Variants in KCNB2 observed in about 807,000 individuals in gnomAD.
KCNB2 encodes the protein potassium voltage-gated channel subfamily B member 2, also known as delayed rectifier potassium channel protein.
In KCNB2, 15 loss-of-function variants were observed where a neutral mutation model predicts 61.5. The observed-to-expected ratio is 0.24, with a 90% CI of 0.16 to 0.38. The LOEUF (loss-of-function observed/expected upper bound fraction) is 0.38. Among genes scored for constraint, KCNB2 ranks in the 10% least tolerant of loss-of-function variants. The probability of loss-of-function intolerance (pLI) is 1.00; values close to 1 mark genes in which losing one functional copy is unlikely to be tolerated. For synonymous variants in KCNB2, 457 were observed against 446.0 expected (o/e 1.02, Z -0.31); for missense variants, 828 against 1,125.2 (o/e 0.74, Z 3.78).
intron 2 of KCNB2, among the ~76,000 whole-genome samples, chr8:72,583,306 C>T (rs965309495): frequency 6.6e-6 from 1 of 152,210 alleles, no homozygotes. Flanking sequence ...TTATTTTGTG[C>T]ATTAGAAATC....
At chr8:72,934,943 ACCTGTCCTTGG>A (rs1806870388) in intron 2 of KCNB2, among the ~76,000 whole-genome samples, 1 of 151,950 alleles carries the variant, frequency 6.6e-6, no homozygotes, top group Non-Finnish European at 1.5e-5. Flanking sequence ...TATTCCACAT[ACCTGTCCTTGG>A]CCTTTGTCCT....
chr8:72,613,309 G>A (rs1805568487), intron 2 of KCNB2, among the ~76,000 whole-genome samples: 1 of 152,080 alleles, frequency 6.6e-6, no homozygotes, highest in Non-Finnish European at 1.5e-5. Flanking sequence ...ATCACATCTG[G>A]CCTCTGCAAG....
intron 2 of KCNB2, among the ~76,000 whole-genome samples, chr8:72,612,515 A>G (rs1374652503): frequency 6.6e-6 from 1 of 152,146 alleles, no homozygotes; most frequent in Non-Finnish European, 1.5e-5. Context: ...TAAGTTTTCC[A>G]TCTCTTTAAG....
At chr8:72,578,118 T>A (rs1341199330) in intron 2 of KCNB2, among the ~76,000 whole-genome samples, 1 of 152,138 alleles carries the variant, frequency 6.6e-6, no homozygotes, top group Admixed American at 6.6e-5. Flanking sequence ...AATAAATCAA[T>A]GACACTCTGA....
intron 2 of KCNB2, among the ~76,000 whole-genome samples, chr8:72,867,384 C>T (rs576315187): frequency 2.6e-5 from 4 of 152,190 alleles, no homozygotes; most frequent in Non-Finnish European, 2.9e-5. Flanking sequence ...AGTGGTGGCT[C>T]ACGCCTATAA....
chr8:72,857,327 A>G (rs1200215555), intron 2 of KCNB2, among the ~76,000 whole-genome samples: 1 of 152,218 alleles, frequency 6.6e-6, no homozygotes, highest in African/African-American at 2.4e-5. Context: ...TTGAATGGAA[A>G]GGGGCAGAGC....
At chr8:72,831,097 T>C (rs6984868) in intron 2 of KCNB2, among the ~76,000 whole-genome samples, 1 of 152,186 alleles carries the variant, frequency 6.6e-6, no homozygotes, top group East Asian at 1.9e-4. Context: ...CAGATTGGCC[T>C]TGCGCCTCAT....
intron 2 of KCNB2, among the ~76,000 whole-genome samples, chr8:72,895,045 G>C (rs374562094): frequency 6.6e-6 from 1 of 152,204 alleles, no homozygotes; most frequent in African/African-American, 2.4e-5. Flanking sequence ...TGGGAAAATG[G>C]ATCAACAGTC....
intron 2 of KCNB2, among the ~76,000 whole-genome samples, chr8:72,616,423 T>C (rs1201859622): frequency 6.6e-6 from 1 of 152,176 alleles, no homozygotes; most frequent in African/African-American, 2.4e-5. Flanking sequence ...CCAATGTTTA[T>C]GAAACTTTTA....
chr8:72,709,745 G>A (rs961379262), intron 2 of KCNB2, among the ~76,000 whole-genome samples: 1 of 152,040 alleles, frequency 6.6e-6, no homozygotes, highest in African/African-American at 2.4e-5. Context: ...ATTTCAACAT[G>A]AGAGTTGGAG....
At chr8:72,757,739 C>A (rs1254586296) in intron 2 of KCNB2, among the ~76,000 whole-genome samples, 1 of 152,074 alleles carries the variant, frequency 6.6e-6, no homozygotes, top group Non-Finnish European at 1.5e-5. Flanking sequence ...TTGTAGAAGG[C>A]CAGGGTTGGC....
chr8:72,654,750 T>C (rs546227679), intron 2 of KCNB2, among the ~76,000 whole-genome samples: 1 of 152,062 alleles, frequency 6.6e-6, no homozygotes, highest in Non-Finnish European at 1.5e-5. Context: ...AAAAGTCTCC[T>C]AGAACATGGG....
chr8:72,784,555 G>A (rs1808816550), intron 2 of KCNB2, among the ~76,000 whole-genome samples: 1 of 152,172 alleles, frequency 6.6e-6, no homozygotes, highest in Non-Finnish European at 1.5e-5. Context: ...GATGGAAGGG[G>A]AAGCAAACAT....
At chr8:72,589,721 ACTTT>A (rs1563531865) in intron 2 of KCNB2, among the ~76,000 whole-genome samples, 2 of 151,930 alleles carry the variant, frequency 1.3e-5, no homozygotes, top group Admixed American at 6.6e-5. Flanking sequence ...GACTGATTGT[ACTTT>A]CTTTTGCTCT....
intron 2 of KCNB2, among the ~76,000 whole-genome samples, chr8:72,784,525 C>T (rs539772002): frequency 3.9e-5 from 6 of 152,142 alleles, no homozygotes; most frequent in South Asian, 2.1e-4. Flanking sequence ...CTGGGGAGGC[C>T]GCAGGAAACT....
intron 2 of KCNB2, among the ~76,000 whole-genome samples, chr8:72,705,864 A>G (rs1021254325): frequency 3.3e-5 from 5 of 152,226 alleles, no homozygotes; most frequent in African/African-American, 1.2e-4. Context: ...AGTGCAAACA[A>G]GAGGCTCAGT....
At chr8:72,652,926 T>A (rs376360695) in intron 2 of KCNB2, among the ~76,000 whole-genome samples, 3 of 152,148 alleles carry the variant, frequency 2.0e-5, no homozygotes, top group Non-Finnish European at 2.9e-5. Flanking sequence ...GCAGTGTTGA[T>A]GCCTTCTAGA....
chr8:72,841,372 C>CT (rs769263287), intron 2 of KCNB2, among the ~76,000 whole-genome samples: 2,357 of 34,156 alleles, frequency 0.069, 100 homozygotes, highest in African/African-American at 0.17. Flanking sequence ...TTTTTTTTTT[C>CT]TTTTTTTTTT....
At chr8:72,561,775 A>ATATATATG (rs1246585636) in intron 1 of KCNB2, among the ~76,000 whole-genome samples, 1 of 27,432 alleles carries the variant, frequency 3.6e-5, no homozygotes, top group Non-Finnish European at 6.4e-5. Flanking sequence ...ATATATATAT[A>ATATATATG]TGGATATATA....
Sources: gnomAD v4.1 joint callset for allele counts (sites outside exome capture counted in the v4.1 genomes callset) on GRCh38, gnomAD v4.1.1 for gene constraint, MANE v1.5 for transcripts, NCBI Gene and HGNC (gene_info 2026-07-23, HGNC 2026-07-21) for gene names.